STK17B: variants seen among roughly 807,000 people sequenced by gnomAD.
STK17B encodes the protein serine/threonine kinase 17b.
STK17B carries 21 observed loss-of-function variants against 42.0 expected under a neutral mutation model. The ratio of observed to expected loss-of-function variants is 0.50; its 90% CI spans 0.35 to 0.72. The LOEUF is 0.72. Among genes scored for constraint, STK17B ranks in the 30% least tolerant of loss-of-function variants. STK17B has a pLI of 0.00. For synonymous variants in STK17B, 143 were observed against 148.4 expected (o/e 0.96, Z 0.26); for missense variants, 349 against 446.0 (o/e 0.78, Z 1.96).
At position 196,133,919 on chromosome 2, in the gene STK17B, A is replaced by G. The variant is rs527782545; in HGVS notation, c.*3528T>C. On this transcript the variant is annotated 3_prime_UTR_variant, in exon 8 of 8. Coordinates refer to ENST00000263955, the MANE Select transcript of STK17B (RefSeq NM_004226.4). The stretch of plus-strand genomic sequence containing the variant: ...ATTATAAATTGATAATAATCCCCCC[A>G]AACTGAAGTGAAATACTTTTAATAC... The G allele has an allele frequency of 3.3e-5, 5 of 152,356 alleles. No homozygotes were observed. In the South Asian group the frequency reaches 1.0e-3, roughly 32 times the overall value. The allele number at this position is 152,356 out of a possible 1,614,324, so 9.4% of individuals were successfully genotyped here.
rs1436901749 is a variant in STK17B at position 196,137,775 on chromosome 2, T to C, written c.837-46A>G. On this transcript the variant is annotated intron_variant, in intron 7 of 7. Transcript: ENST00000263955. ...GGAAAATTGAGAACTAAAAATCAAG[T>C]TGAAAATGTCTTCAGTTTGATAGAT... The C allele has an allele frequency of 3.2e-6, 5 of 1,564,370 alleles. No individual in the cohort carries two copies. In the African/African-American group the frequency reaches 6.9e-5, roughly 21 times the overall value.
rs1699424684 is a variant in STK17B at position 196,137,552 on chromosome 2, T to C, written c.1014A>G (p.Glu338=). The C allele has an allele frequency of 2.5e-6, 4 of 1,614,044 alleles. No homozygotes were observed. Among genetic ancestry groups the C allele is most frequent in the African/African-American group, 1.3e-5 (1 of 74,932 alleles). Residue 338 remains glutamate, a synonymous_variant, in exon 8 of 8, where the codon GAA becomes GAG. Coordinates refer to ENST00000263955, the MANE Select transcript of STK17B (RefSeq NM_004226.4). ...TATCCTCTGGGATATTCTCTTTGTC[T>C]TCTCTATCACCACAGGTTCCATTAC... ...SSCNGTCGDR[E]DKENIPEDSS... is the part of the protein sequence containing the mutation.
At chr2:196,149,398 T>G (rs1232907646) in intron 3 of STK17B, among the ~76,000 whole-genome samples, 3 of 152,056 alleles carry the variant, frequency 2.0e-5, no homozygotes, top group Non-Finnish European at 4.4e-5. Flanking sequence ...TCTCCTGACC[T>G]CGTGATCCGC....
chr2:196,157,184 C>T (rs1699751937), intron 2 of STK17B, among the ~76,000 whole-genome samples: 1 of 151,476 alleles, frequency 6.6e-6, no homozygotes, highest in Non-Finnish European at 1.5e-5. Context: ...ATTATCATTG[C>T]AGGGAAATAA....
At chr2:196,171,086 G>C (rs1460152440) in intron 1 of STK17B, 1 of 152,458 alleles carries the variant, frequency 6.6e-6, no homozygotes, top group African/African-American at 2.4e-5. Flanking sequence ...GGCTGAGGAG[G>C]GTGGTGGGAG....
intron 1 of STK17B, chr2:196,165,721 T>C (rs992023799): frequency 1.3e-5 from 2 of 152,232 alleles, no homozygotes; most frequent in Non-Finnish European, 2.9e-5. Flanking sequence ...GATAAAAGAA[T>C]TGATCTTCCA....
chr2:196,159,922 TTA>T (rs1474543349), intron 2 of STK17B, among the ~76,000 whole-genome samples: 7 of 152,154 alleles, frequency 4.6e-5, no homozygotes, highest in African/African-American at 1.4e-4. Context: ...TCCAATAAAA[TTA>T]TATATATGTG....
At chr2:196,157,900 G>A (rs1004974942) in intron 2 of STK17B, among the ~76,000 whole-genome samples, 2 of 152,152 alleles carry the variant, frequency 1.3e-5, no homozygotes, top group Admixed American at 6.5e-5. Context: ...TCTATTGACT[G>A]CCTACCCAGA....
At chr2:196,170,222 AT>A (rs1699922358) in intron 1 of STK17B, among the ~76,000 whole-genome samples, 1 of 152,188 alleles carries the variant, frequency 6.6e-6, no homozygotes, top group African/African-American at 2.4e-5. Flanking sequence ...TGGGTTCAAA[AT>A]GCCAGGTTAC....
Position 196,145,886 on chromosome 2 carries a change from A to G in STK17B, c.480+25T>C, listed in dbSNP as rs771957935. ...AGCAGAAGAAGAACACAGATGTTGCATTACTTTAAATCACGTTACGTTACC... is the reference window on the plus strand; with the variant it reads ...AGCAGAAGAAGAACACAGATGTTGCGTTACTTTAAATCACGTTACGTTACC... On this transcript the variant is annotated intron_variant, in intron 4 of 7. Transcript: ENST00000263955. 1.2e-5 allele frequency: 19 copies of G among 1,537,242 alleles called. No homozygotes were observed. In the East Asian group the frequency reaches 4.2e-4, roughly 34 times the overall value.
upstream of STK17B, among the ~76,000 whole-genome samples, chr2:196,172,700 C>A (rs939336198): frequency 1.4e-4 from 22 of 152,170 alleles, no homozygotes; most frequent in Non-Finnish European, 1.3e-4. Flanking sequence ...TAGGTTAACT[C>A]CTCCTCCCAG....
Position 196,143,772 on chromosome 2 carries a change from T to C in STK17B, c.481-86A>G, listed in dbSNP as rs1256875815. 12 of 1,186,584 alleles carry C rather than the reference T, an allele frequency of 1.0e-5. No homozygotes were observed. The South Asian group carries it at 1.7e-4, about 17-fold the overall frequency. 73.5% of individuals were successfully genotyped at this position (1,186,584 alleles called of 1,614,324 possible). On this transcript the variant is annotated intron_variant, in intron 4 of 7. Transcript: ENST00000263955. ...TGGAAAGTATATTAAGTGGAAGATA[T>C]TGCTCAGCTATTATACATTTCATTG... is the stretch of plus-strand genomic sequence containing the variant.
At position 196,149,791 on chromosome 2, in the gene STK17B, T is replaced by C. The variant is rs181655210; in HGVS notation, c.336-3736A>G. On this transcript the variant is annotated intron_variant, in intron 3 of 7. Coordinates refer to ENST00000263955, the MANE Select transcript of STK17B (RefSeq NM_004226.4). ...AAAGTAACCATCATTTACATGTGAT[T>C]TCCCTTTTCTGTATCTCCTAAATTT... 4.6e-5 allele frequency among the ~76,000 whole-genome samples: 7 copies of C among 152,310 alleles called. No homozygotes were observed. In the East Asian group the frequency reaches 1.3e-3, roughly 29 times the overall value.
chr2:196,146,562 C>T (rs1699579111), intron 3 of STK17B, among the ~76,000 whole-genome samples: 1 of 152,006 alleles, frequency 6.6e-6, no homozygotes, highest in Admixed American at 6.6e-5. Context: ...GGTACTAATA[C>T]TTGAATATTA....
chr2:196,137,720 T>C lies in STK17B; in HGVS notation c.846A>G (p.Pro282=), dbSNP rs767165196. ...AATGAGAAAGGCATATCTCTGCTGTTGGTCTTTTCCTTTGAAAGAAAGCAC... is the reference window on the plus strand; with the variant it reads ...AATGAGAAAGGCATATCTCTGCTGTCGGTCTTTTCCTTTGAAAGAAAGCAC... The part of the protein sequence containing the change: ...SLLVKNPEKR[P]TAEICLSHSW... The change falls in exon 8 of 8, where the codon CCA becomes CCG. Residue 282 remains proline (P), a synonymous_variant. Coordinates refer to ENST00000263955, the MANE Select transcript of STK17B (RefSeq NM_004226.4). 9 of 1,606,806 alleles carry C rather than the reference T, an allele frequency of 5.6e-6. No individual in the cohort carries two copies. The highest frequency in any genetic ancestry group is 6.8e-6 in the Non-Finnish European group (8 of 1,176,200).
At chr2:196,166,541 A>T (rs965796142) in intron 1 of STK17B, among the ~76,000 whole-genome samples, 1 of 152,250 alleles carries the variant, frequency 6.6e-6, no homozygotes, top group Non-Finnish European at 1.5e-5. Context: ...TGTATACACG[A>T]TTAGATCCTA....
At chr2:196,140,923 T>C (rs1367601308) in intron 6 of STK17B, among the ~76,000 whole-genome samples, 1 of 152,304 alleles carries the variant, frequency 6.6e-6, no homozygotes, top group East Asian at 1.9e-4. Flanking sequence ...CAATGGACTG[T>C]CTGCTGCTGC....
At chr2:196,155,699 C>T (rs1196474600) in intron 3 of STK17B, among the ~76,000 whole-genome samples, 1 of 152,146 alleles carries the variant, frequency 6.6e-6, no homozygotes, top group Non-Finnish European at 1.5e-5. Context: ...GATGTTCAAA[C>T]ACATTTTACA....
chr2:196,174,866 A>G (rs555497305), upstream of STK17B, among the ~76,000 whole-genome samples: 15 of 152,374 alleles, frequency 9.8e-5, no homozygotes, highest in African/African-American at 3.6e-4. Flanking sequence ...GTCTGATGAG[A>G]GTAATAACTC....
Sources: allele counts gnomAD v4.1 joint callset (sites outside exome capture counted in the v4.1 genomes callset), GRCh38; gene constraint gnomAD v4.1.1; transcripts MANE v1.5; gene names NCBI Gene and HGNC (gene_info 2026-07-23, HGNC 2026-07-21).